MYRFL: variants seen among roughly 807,000 people sequenced by gnomAD.
The protein encoded by MYRFL is myelin regulatory factor like.
MYRFL carries 88 observed loss-of-function variants against 109.4 expected under a neutral mutation model. The observed-to-expected ratio is 0.80, with a 90% CI of 0.68 to 0.96. The LOEUF is 0.96. MYRFL is among the 40% of genes least tolerant of loss of function. MYRFL has a pLI of 0.00. For missense variants in MYRFL, 957 were observed against 954.9 expected, an observed-to-expected ratio of 1.00 and a Z score of -0.03; for synonymous variants, 324 against 320.9, an observed-to-expected ratio of 1.01 and a Z score of -0.10.
intron 13 of MYRFL, among the ~76,000 whole-genome samples, chr12:69,912,511 G>T (rs905170302): frequency 1.3e-5 from 2 of 152,064 alleles, no homozygotes; most frequent in Non-Finnish European, 2.9e-5. Context: ...CAATTCTATT[G>T]TCTGTTTCTA....
chr12:69,886,957 C>A lies in MYRFL; in HGVS notation c.694C>A (p.His232Asn). Residue 232 changes from histidine to asparagine, a missense_variant, in exon 6 of 25, where the codon CAT becomes AAT. Coordinates refer to ENST00000552032, the MANE Select transcript of MYRFL (RefSeq NM_182530.3). ...TCCTTGGCACAGCTTATTAAACAGT[C>A]ATTATGAAAAACTGTAAGTGGCTTG... is the stretch of plus-strand genomic sequence containing the variant. ...SVPWHSLLNS[H>N]YEKLPDVGYR... The A allele has an allele frequency of 6.5e-7, 1 of 1,535,770 alleles. No homozygotes were observed. Among genetic ancestry groups the A allele is most frequent in the Non-Finnish European group, 8.7e-7 (1 of 1,146,666 alleles).
chr12:69,899,657 A>G (rs1954118719), intron 10 of MYRFL, among the ~76,000 whole-genome samples: 1 of 152,120 alleles, frequency 6.6e-6, no homozygotes, highest in Admixed American at 6.6e-5. Context: ...GCATTTTACT[A>G]TTTGGTAAGG....
intron 13 of MYRFL, among the ~76,000 whole-genome samples, chr12:69,911,568 C>T (rs1954574453): frequency 6.6e-6 from 1 of 152,146 alleles, no homozygotes; most frequent in African/African-American, 2.4e-5. Context: ...TGCCATCATG[C>T]CTGTAGATTA....
intron 19 of MYRFL, among the ~76,000 whole-genome samples, chr12:69,939,490 T>C (rs1955575668): frequency 6.6e-6 from 1 of 151,724 alleles, no homozygotes; most frequent in Non-Finnish European, 1.5e-5. Context: ...TCCTGTCTGT[T>C]AGAAGGAAAA....
chr12:69,827,925 T>A (rs1035641572), intron 1 of MYRFL, among the ~76,000 whole-genome samples: 4 of 152,136 alleles, frequency 2.6e-5, no homozygotes, highest in Non-Finnish European at 5.9e-5. Flanking sequence ...CTTTAAGCAT[T>A]AATAGTAACT....
intron 2 of MYRFL, among the ~76,000 whole-genome samples, chr12:69,866,068 A>G (rs1885000090): frequency 6.6e-6 from 1 of 152,194 alleles, no homozygotes; most frequent in Non-Finnish European, 1.5e-5. Flanking sequence ...CAAAGCTGAG[A>G]TAAAAATCTG....
intron 1 of MYRFL, among the ~76,000 whole-genome samples, chr12:69,830,449 G>A (rs1429688126): frequency 2.0e-5 from 3 of 149,930 alleles, no homozygotes; most frequent in African/African-American, 7.3e-5. Context: ...AATATAGAGA[G>A]AGATAATACA....
At position 69,957,940 on chromosome 12, in the gene MYRFL, C is replaced by T. The variant is rs1047598270; in HGVS notation, c.2569C>T (p.Gln857Ter). The change falls in exon 23 of 25, where the codon CAG becomes TAG. Residue 857 changes from glutamine to a stop codon, truncating the protein, a stop_gained and splice_region_variant. Coordinates refer to ENST00000552032, the MANE Select transcript of MYRFL (RefSeq NM_182530.3). LOFTEE classifies it high-confidence loss of function. ...SHREISQEMT[Q>*]GYQHIWSLPV... ...CAGAGAAATCTCCCAGGAGATGACACAGGTAATGTTTTCTGCCTCCTCTCT... is the reference window on the plus strand; with the variant it reads ...CAGAGAAATCTCCCAGGAGATGACATAGGTAATGTTTTCTGCCTCCTCTCT... 19 of 1,530,562 alleles carry T rather than the reference C, an allele frequency of 1.2e-5. No individual in the cohort carries two copies. Among genetic ancestry groups the T allele is most frequent in the Non-Finnish European group, 1.7e-5 (19 of 1,142,758 alleles). 94.8% of individuals were successfully genotyped at this position (1,530,562 alleles called of 1,614,324 possible).
In MYRFL at chr12:69,959,012, T is replaced by C. The variant is rs948217063; in HGVS notation, c.*481T>C. ...GATACTGAGCTCACATTTAGGCAAATTGTCCTATGTGTGTGTGTATTGTAT... is the reference window on the plus strand; with the variant it reads ...GATACTGAGCTCACATTTAGGCAAACTGTCCTATGTGTGTGTGTATTGTAT... On this transcript the variant is annotated 3_prime_UTR_variant, in exon 25 of 25. Transcript: ENST00000552032. The C allele has an allele frequency of 4.4e-5, 7 of 160,694 alleles. No individual in the cohort carries two copies. The highest frequency in any genetic ancestry group is 3.7e-4 in the East Asian group (2 of 5,408). 10.0% of individuals were successfully genotyped at this position (160,694 alleles called of 1,614,324 possible). A position where few individuals can be genotyped will look rare whatever the true frequency, so the allele number is the denominator to read the frequency against.
chr12:69,891,587 T>TTCTTTCTTTCTTTC (rs1566001814), intron 7 of MYRFL, among the ~76,000 whole-genome samples: 1 of 139,202 alleles, frequency 7.2e-6, no homozygotes, highest in African/African-American at 3.0e-5. Flanking sequence ...CTTTCTTTCT[T>TTCTTTCTTTCTTTC]TCTTTCTTTC....
intron 2 of MYRFL, among the ~76,000 whole-genome samples, chr12:69,860,735 TTTTTTTATTTTA>T: frequency 6.6e-6 from 1 of 152,062 alleles, no homozygotes; most frequent in East Asian, 1.9e-4. Flanking sequence ...ATTTATTTTC[TTTTTTTATTTTA>T]TTATTGTTAT....
intron 2 of MYRFL, among the ~76,000 whole-genome samples, chr12:69,870,268 G>A (rs574131771): frequency 4.4e-4 from 60 of 137,090 alleles, no homozygotes; most frequent in Non-Finnish European, 7.7e-4. Flanking sequence ...AGTGAAGACA[G>A]GGTTTTGCCA....
chr12:69,847,883 A>G lies in MYRFL; in HGVS notation c.47-7397A>G, dbSNP rs139581446. 3.5e-3 allele frequency among the ~76,000 whole-genome samples: 527 copies of G among 152,288 alleles called. 5 individuals are homozygous for G. Among genetic ancestry groups the G allele is most frequent in the African/African-American group, 0.012 (496 of 41,572 alleles). ...TGAAAAAATCAATTTTTATGTAGTC[A>G]AATTTATAGACTTTTTTTCTGTATA... On this transcript the variant is annotated intron_variant, in intron 1 of 24. Transcript: ENST00000552032.
chr12:69,930,683 G>A (rs148990993), intron 15 of MYRFL, among the ~76,000 whole-genome samples: 1 of 151,888 alleles, frequency 6.6e-6, no homozygotes, highest in East Asian at 1.9e-4. Context: ...ACTGGGTTTG[G>A]TGGCTATAGT....
At chr12:69,838,903 C>A (rs1883093819) in intron 1 of MYRFL, among the ~76,000 whole-genome samples, 1 of 152,220 alleles carries the variant, frequency 6.6e-6, no homozygotes, top group South Asian at 2.1e-4. Flanking sequence ...TAGTCACTTT[C>A]CCTTCTTAGT....
chr12:69,897,739 A>T (rs1162743884), intron 10 of MYRFL, among the ~76,000 whole-genome samples: 2 of 152,264 alleles, frequency 1.3e-5, no homozygotes, highest in African/African-American at 2.4e-5. Context: ...ATTGTAAATG[A>T]TGGAGCCTGG....
Position 69,891,098 on chromosome 12 carries a change from A to G in MYRFL, c.835A>G (p.Lys279Glu), listed in dbSNP as rs1886770952. 1 of 1,534,948 alleles carries G rather than the reference A, an allele frequency of 6.5e-7. No homozygotes were observed. The highest frequency in any genetic ancestry group is 8.7e-7 in the Non-Finnish European group (1 of 1,146,546). Residue 279 changes from lysine to glutamate, a missense_variant, in exon 7 of 25, where the codon AAA becomes GAA. Physicochemically the swap from Lys to Glu is moderately conservative, Grantham distance 56 (BLOSUM62 1). Transcript: ENST00000552032. ...TCACATCCAAGTTTGGGGAAGTCCA[A>G]AATTTGTTGAAACCGAGATGGGCCT... Reference protein sequence around the residue: ...TIHIQVWGSPKFVETEMGLKP... With the variant: ...TIHIQVWGSPEFVETEMGLKP...
intron 16 of MYRFL, among the ~76,000 whole-genome samples, chr12:69,933,717 C>G (rs997851831): frequency 6.6e-6 from 1 of 152,302 alleles, no homozygotes; most frequent in South Asian, 2.1e-4. Flanking sequence ...GTGTGCCTGT[C>G]TTCTCCTGCT....
intron 16 of MYRFL, 80 bp downstream of exon 16, chr12:69,932,678 A>G: frequency 9.5e-7 from 1 of 1,056,016 alleles, no homozygotes; most frequent in Non-Finnish European, 1.4e-6. Flanking sequence ...TGAACTGGGG[A>G]CTGGCCTGTT....
Sources: allele counts gnomAD v4.1 joint callset (sites outside exome capture counted in the v4.1 genomes callset), GRCh38; gene constraint gnomAD v4.1.1; transcripts MANE v1.5; gene names NCBI Gene and HGNC (gene_info 2026-07-23, HGNC 2026-07-21).